The following TUBD1 variants were observed in gnomAD, a reference collection of about 807,000 sequenced individuals.
TUBD1 encodes tubulin delta chain.
Under a neutral mutation model 51.2 loss-of-function variants are expected in TUBD1, and 38 were observed. The ratio of observed to expected loss-of-function variants is 0.74; its 90% confidence interval spans 0.57 to 0.97. TUBD1 has a LOEUF of 0.97. TUBD1 is among the 50% of genes least tolerant of loss of function. TUBD1 has a pLI of 0.00. For missense variants in TUBD1, 489 were observed against 538.4 expected (o/e 0.91, Z 0.91); for synonymous variants, 169 against 178.2 (o/e 0.95, Z 0.41).
chr17:59,862,271 A>C (rs1057380501), intron 8 of TUBD1, among the ~76,000 whole-genome samples: 4 of 150,888 alleles, frequency 2.7e-5, no homozygotes, highest in Non-Finnish European at 5.9e-5. Flanking sequence ...TGCAGTGAGC[A>C]GAGATCATGC....
chr17:59,869,346 C>T (rs1184325040), intron 6 of TUBD1, among the ~76,000 whole-genome samples: 6 of 151,468 alleles, frequency 4.0e-5, no homozygotes, highest in South Asian at 2.1e-4. Flanking sequence ...CATGGTGGTG[C>T]GCACCTGTAG....
intron 6 of TUBD1, 36 bp from the exon 7 acceptor site, chr17:59,866,785 T>C: frequency 6.4e-7 from 1 of 1,561,076 alleles, no homozygotes; most frequent in Non-Finnish European, 8.7e-7. Flanking sequence ...GGTTTTATTT[T>C]ATTTACTTAG....
At chr17:59,884,122 G>A (rs1056798265) in intron 3 of TUBD1, among the ~76,000 whole-genome samples, 3 of 151,836 alleles carry the variant, frequency 2.0e-5, no homozygotes, top group South Asian at 2.1e-4. Context: ...TTAGCCGGGC[G>A]TGGTGGCATG....
rs71145582 is a variant in TUBD1, at chr17:59,862,714, A to ATTTTTTTTTT, written c.1259+940_1259+949dup. Among the ~76,000 whole-genome samples the ATTTTTTTTTT allele has an allele frequency of 1.8e-4, 10 of 56,984 alleles. 2 individuals are homozygous for ATTTTTTTTTT. Among genetic ancestry groups the ATTTTTTTTTT allele is most frequent in the African/African-American group, 4.2e-4 (5 of 11,868 alleles). The allele number at this position is 56,984 out of a possible 152,430, so 37.4% of individuals were successfully genotyped here. On this transcript the variant is annotated intron_variant, in intron 8 of 8. Coordinates refer to ENST00000325752, the MANE Select transcript of TUBD1 (RefSeq NM_016261.4). ...ACCACTATGCCAAGCTAATTTTTGT[A>ATTTTTTTTTT]TTTTTTTTTTTTTTTTTTTTTTTTT... is the stretch of plus-strand genomic sequence containing the variant.
intron 1 of TUBD1, among the ~76,000 whole-genome samples, chr17:59,891,344 TG>T (rs2041014635): frequency 7.5e-6 from 1 of 134,228 alleles, no homozygotes; most frequent in South Asian, 2.3e-4. Context: ...TTGGCCAGGT[TG>T]GTCTTGAACT....
Position 59,860,229 on chromosome 17 carries a change from G to C in TUBD1, c.*93C>G. 1.1e-6 allele frequency: 1 copy of C among 949,310 alleles called. No homozygotes were observed. Among genetic ancestry groups the C allele is most frequent in the East Asian group, 2.5e-5 (1 of 39,356 alleles). The allele number at this position is 949,310 out of a possible 1,614,324, so 58.8% of individuals were successfully genotyped here. On this transcript the variant is annotated 3_prime_UTR_variant, in exon 9 of 9. Transcript: ENST00000325752. ...GACGGTGTTTCACCGTGTTAGCCAG[G>C]ATGGAGAACTTTGAAAACTTTACAG...
Position 59,863,629 on chromosome 17 carries a change from A to G in TUBD1, c.1259+35T>C, listed in dbSNP as rs372568763. On this transcript the variant is annotated intron_variant, in intron 8 of 8. Coordinates refer to ENST00000325752, the MANE Select transcript of TUBD1 (RefSeq NM_016261.4). ...GAGACTCTGTCTCAAAAAAAAAAAA[A>G]AAAAGAAAGGTTTGTAGACTTATTT... 1.3e-5 allele frequency: 19 copies of G among 1,455,902 alleles called. No homozygotes were observed. In the African/African-American group the frequency reaches 2.3e-4, roughly 18 times the overall value. The allele number at this position is 1,455,902 out of a possible 1,614,324, so 90.2% of individuals were successfully genotyped here.
At chr17:59,877,019 C>G (rs778333051) in intron 5 of TUBD1, among the ~76,000 whole-genome samples, 2 of 152,046 alleles carry the variant, frequency 1.3e-5, no homozygotes, top group Admixed American at 6.6e-5. Flanking sequence ...ACCACCATGC[C>G]TGGCTAATTT....
intron 1 of TUBD1, among the ~76,000 whole-genome samples, chr17:59,892,412 GCAGTTCCT>G (rs2041148198): frequency 6.6e-6 from 1 of 152,234 alleles, no homozygotes; most frequent in East Asian, 1.9e-4. Context: ...AAACATTAGA[GCAGTTCCT>G]CATTATTTTT....
Position 59,877,467 on chromosome 17 carries a change from TCA to T in TUBD1, c.769+634_769+635del, listed in dbSNP as rs1210800278. 5.3e-5 allele frequency among the ~76,000 whole-genome samples: 8 copies of T among 152,312 alleles called. No homozygotes were observed. In the East Asian group the frequency reaches 1.5e-3, roughly 29 times the overall value. On this transcript the variant is annotated intron_variant, in intron 5 of 8. Coordinates refer to ENST00000325752, the MANE Select transcript of TUBD1 (RefSeq NM_016261.4). ...CTTTTAAAAACTGCAAAGCCAGAGT[TCA>T]GTCTGGCTGCTGTACTTAAGAAAAG...
At chr17:59,865,018 G>A (rs1208168923) in intron 7 of TUBD1, among the ~76,000 whole-genome samples, 4 of 151,270 alleles carry the variant, frequency 2.6e-5, no homozygotes, top group Non-Finnish European at 5.9e-5. Flanking sequence ...CACTATACTT[G>A]GCTAAAGTTT....
At chr17:59,867,580 T>C (rs1394490454) in intron 6 of TUBD1, among the ~76,000 whole-genome samples, 2 of 151,968 alleles carry the variant, frequency 1.3e-5, no homozygotes, top group East Asian at 3.9e-4. Context: ...TGCACCTACT[T>C]GAGAAACTGA....
chr17:59,860,347 A>G lies in TUBD1; in HGVS notation c.1337T>C (p.Val446Ala), dbSNP rs1449689634. Residue 446 changes from valine to alanine, a missense_variant, in exon 9 of 9, where the codon GTT becomes GCT. Transcript: ENST00000325752. ...FLDSFTSLEQVVASYCNL is the reference protein window; with the variant it reads ...FLDSFTSLEQAVASYCNL ...TCAGAGATTACAGTAACTGGCAACAACCTGCTCTAATGACGTGAAACTGTC... is the reference window on the plus strand; with the variant it reads ...TCAGAGATTACAGTAACTGGCAACAGCCTGCTCTAATGACGTGAAACTGTC... 1.9e-6 allele frequency: 3 copies of G among 1,612,662 alleles called. No individual in the cohort carries two copies. Among genetic ancestry groups the G allele is most frequent in the East Asian group, 2.2e-5 (1 of 44,840 alleles).
chr17:59,876,858 C>G (rs954201215), intron 5 of TUBD1, among the ~76,000 whole-genome samples: 1 of 139,838 alleles, frequency 7.2e-6, no homozygotes, highest in Non-Finnish European at 1.5e-5. Context: ...CTACTCTTAC[C>G]TTAACCATTC....
chr17:59,879,139 A>G (rs1370820381), intron 4 of TUBD1, among the ~76,000 whole-genome samples: 2 of 151,844 alleles, frequency 1.3e-5, no homozygotes, highest in African/African-American at 4.8e-5. Context: ...AGCCGAGCGC[A>G]TGCCTGTAGT....
At position 59,860,360 on chromosome 17, in the gene TUBD1, A is replaced by G. The variant is rs758967695; in HGVS notation, c.1324T>C (p.Ser442Pro). ...TAACTGGCAACAACCTGCTCTAATG[A>G]CGTGAAACTGTCTAAAAAGTCCTCT... ...EEEDFLDSFTSLEQVVASYCN... is the reference protein window; with the variant it reads ...EEEDFLDSFTPLEQVVASYCN... The change falls in exon 9 of 9, where the codon TCA (serine) becomes CCA (proline). Residue 442 changes from serine to proline, a missense_variant. Transcript: ENST00000325752. 1 of 1,613,452 alleles carries G rather than the reference A, an allele frequency of 6.2e-7. No homozygotes were observed. The highest frequency in any genetic ancestry group is 8.5e-7 in the Non-Finnish European group (1 of 1,179,742).
At chr17:59,891,151 G>T in intron 1 of TUBD1, 110 bp from the exon 2 acceptor site, 1 of 613,280 alleles carries the variant, frequency 1.6e-6, no homozygotes, top group Non-Finnish European at 2.7e-6. Flanking sequence ...TCCCCCCTGA[G>T]ACGGAGTCTT....
chr17:59,859,845 T>G lies in TUBD1; in HGVS notation c.*477A>C, dbSNP rs1568267288. ...CAAAGTGTTTCCCCAAAGTTCTTTATAAAAGCACCATTTTTTTTTCTTACA... is the reference window on the plus strand; with the variant it reads ...CAAAGTGTTTCCCCAAAGTTCTTTAGAAAAGCACCATTTTTTTTTCTTACA... On this transcript the variant is annotated 3_prime_UTR_variant, in exon 9 of 9. Coordinates refer to ENST00000325752, the MANE Select transcript of TUBD1 (RefSeq NM_016261.4). The G allele has an allele frequency of 1.3e-5, 2 of 152,156 alleles. No individual in the cohort carries two copies. Among genetic ancestry groups the G allele is most frequent in the Non-Finnish European group, 2.9e-5 (2 of 68,058 alleles). The allele number at this position is 152,156 out of a possible 1,614,324, so 9.4% of individuals were successfully genotyped here. A position where few individuals can be genotyped will look rare whatever the true frequency, so the allele number is the denominator to read the frequency against.
chr17:59,892,001 AAAC>A (rs1417549081), intron 1 of TUBD1: 1 of 152,116 alleles, frequency 6.6e-6, no homozygotes, highest in Admixed American at 6.6e-5. Flanking sequence ...AAAAAAATAA[AAAC>A]AAGACAAAAC....
Sources: gnomAD v4.1 joint callset for allele counts (sites outside exome capture counted in the v4.1 genomes callset) on GRCh38, gnomAD v4.1.1 for gene constraint, MANE v1.5 for transcripts, NCBI Gene and HGNC (gene_info 2026-07-23, HGNC 2026-07-21) for gene names.